Variants in KCNB2 observed in about 807,000 individuals in gnomAD.
KCNB2 encodes the protein potassium voltage-gated channel subfamily B member 2, also known as delayed rectifier potassium channel protein.
A neutral mutation model predicts 61.5 loss-of-function variants in KCNB2; 15 were observed. That is an observed-to-expected ratio of 0.24 (90% CI 0.16 to 0.38). The LOEUF is 0.38. Ranked by LOEUF, KCNB2 falls within the 10% of genes least tolerant of loss-of-function variation. The pLI, the probability that KCNB2 is intolerant of heterozygous loss-of-function variation, is 1.00. For missense variants in KCNB2, 828 were observed against 1,125.2 expected (o/e 0.74, Z 3.78); for synonymous variants, 457 against 446.0 (o/e 1.02, Z -0.31).
At chr8:72,725,587 GTATGTATATATA>G (rs1807630762) in intron 2 of KCNB2, among the ~76,000 whole-genome samples, 1 of 25,220 alleles carries the variant, frequency 4.0e-5, no homozygotes, top group African/African-American at 1.1e-4. Context: ...ATATATATAT[GTATGTATATATA>G]TATATATATA....
chr8:72,698,622 G>A (rs1807059934), intron 2 of KCNB2, among the ~76,000 whole-genome samples: 1 of 152,116 alleles, frequency 6.6e-6, no homozygotes, highest in Non-Finnish European at 1.5e-5. Flanking sequence ...TATACTATAA[G>A]GCTACAGTAA....
intron 2 of KCNB2, among the ~76,000 whole-genome samples, chr8:72,586,869 C>CA (rs1807008599): frequency 6.6e-6 from 1 of 152,174 alleles, no homozygotes; most frequent in Non-Finnish European, 1.5e-5. Context: ...GGGTCACTTC[C>CA]AGGGTCATTT....
At chr8:72,684,729 G>C (rs1243242622) in intron 2 of KCNB2, among the ~76,000 whole-genome samples, 1 of 152,174 alleles carries the variant, frequency 6.6e-6, no homozygotes, top group African/African-American at 2.4e-5. Context: ...AGTTAAAACA[G>C]ACTATCACTA....
At chr8:72,541,881 GTTTAA>G (rs1401744530) in intron 1 of KCNB2, among the ~76,000 whole-genome samples, 2 of 151,928 alleles carry the variant, frequency 1.3e-5, no homozygotes, top group Admixed American at 1.3e-4. Flanking sequence ...TTACAAATTT[GTTTAA>G]TTTAGCTACT....
At chr8:72,644,353 G>T (rs1212264192) in intron 2 of KCNB2, among the ~76,000 whole-genome samples, 2 of 152,234 alleles carry the variant, frequency 1.3e-5, no homozygotes, top group African/African-American at 4.8e-5. Context: ...TTATTTACTG[G>T]ATTTCTATCC....
chr8:72,634,646 G>A (rs1805936610), intron 2 of KCNB2, among the ~76,000 whole-genome samples: 1 of 152,126 alleles, frequency 6.6e-6, no homozygotes. Context: ...TAACTTTAAG[G>A]AAGCTGCATT....
chr8:72,669,699 CCTT>C (rs1272538401), intron 2 of KCNB2, among the ~76,000 whole-genome samples: 2 of 152,142 alleles, frequency 1.3e-5, no homozygotes, highest in Non-Finnish European at 2.9e-5. Flanking sequence ...GTTGTAAAAA[CCTT>C]CTGTGAGTGC....
chr8:72,611,800 T>TA (rs1273420346), intron 2 of KCNB2, among the ~76,000 whole-genome samples: 1 of 152,194 alleles, frequency 6.6e-6, no homozygotes, highest in African/African-American at 2.4e-5. Context: ...CAGTTTGGCT[T>TA]AAAATCCTAG....
At chr8:72,640,983 T>C (rs1806046727) in intron 2 of KCNB2, among the ~76,000 whole-genome samples, 1 of 152,098 alleles carries the variant, frequency 6.6e-6, no homozygotes, top group African/African-American at 2.4e-5. Flanking sequence ...TATGCACATC[T>C]TTATAGGTAT....
intron 2 of KCNB2, among the ~76,000 whole-genome samples, chr8:72,694,203 T>C (rs1468416150): frequency 1.3e-5 from 2 of 152,206 alleles, no homozygotes; most frequent in Non-Finnish European, 2.9e-5. Context: ...AATATCCTCT[T>C]GCAGACATGC....
intron 2 of KCNB2, among the ~76,000 whole-genome samples, chr8:72,796,711 A>G (rs1261397918): frequency 1.3e-5 from 2 of 152,190 alleles, no homozygotes; most frequent in Admixed American, 6.5e-5. Context: ...CTGGAAATGA[A>G]TCAGGGAAAC....
At chr8:72,687,249 G>T (rs1186899933) in intron 2 of KCNB2, among the ~76,000 whole-genome samples, 4 of 152,122 alleles carry the variant, frequency 2.6e-5, no homozygotes, top group Middle Eastern at 3.2e-3. Context: ...GTTTTTCATG[G>T]TATTTTCTCA....
At position 72,907,251 on chromosome 8, in the gene KCNB2, G is replaced by C. The variant is rs1806194808; in HGVS notation, c.580-28684G>C. On this transcript the variant is annotated intron_variant, in intron 2 of 2. Transcript: ENST00000523207. ...ACACGCCTGTAGTTCCAGCTACTCG[G>C]GAGTCTGAGGCAGGAAAATCACTTG... Among the ~76,000 whole-genome samples, 4 of 152,186 alleles carry C rather than the reference G, an allele frequency of 2.6e-5. No homozygotes were observed. In the South Asian group the frequency reaches 8.3e-4, roughly 32 times the overall value.
chr8:72,902,172 G>T (rs1038104407), intron 2 of KCNB2, among the ~76,000 whole-genome samples: 1 of 152,092 alleles, frequency 6.6e-6, no homozygotes, highest in Non-Finnish European at 1.5e-5. Context: ...CAAGGTGGGG[G>T]TGGCACATAG....
chr8:72,671,152 G>A (rs2246435), intron 2 of KCNB2, among the ~76,000 whole-genome samples: 38,105 of 152,086 alleles, frequency 0.25, 8,202 homozygotes, highest in African/African-American at 0.59. Context: ...TATCTAGCCT[G>A]TTGCCTTCAC....
chr8:72,791,264 T>C (rs1342697310), intron 2 of KCNB2, among the ~76,000 whole-genome samples: 22 of 152,066 alleles, frequency 1.4e-4, no homozygotes, highest in Admixed American at 1.4e-3. Context: ...TAAAGAATGC[T>C]TGGGGCTGGG....
chr8:72,857,876 G>A (rs1349224525), intron 2 of KCNB2, among the ~76,000 whole-genome samples: 1 of 152,074 alleles, frequency 6.6e-6, no homozygotes, highest in East Asian at 1.9e-4. Context: ...GAGCAGTTTT[G>A]TAACTTTCCC....
At chr8:72,583,906 T>C (rs1806951494) in intron 2 of KCNB2, among the ~76,000 whole-genome samples, 1 of 148,482 alleles carries the variant, frequency 6.7e-6, no homozygotes, top group Non-Finnish European at 1.5e-5. Context: ...AAAAATGCTA[T>C]CTTTCATAAT....
At chr8:72,920,471 A>ATATGTGTGTGTG (rs1323200698) in intron 2 of KCNB2, among the ~76,000 whole-genome samples, 3 of 42,256 alleles carry the variant, frequency 7.1e-5, no homozygotes, top group Non-Finnish European at 1.4e-4. Flanking sequence ...CTATCTATCT[A>ATATGTGTGTGTG]TCTATATATA....
Sources: allele counts gnomAD v4.1 joint callset (sites outside exome capture counted in the v4.1 genomes callset), GRCh38; gene constraint gnomAD v4.1.1; transcripts MANE v1.5; gene names NCBI Gene and HGNC (gene_info 2026-07-23, HGNC 2026-07-21).